The following CHL1 variants were observed in gnomAD, a reference collection of about 807,000 sequenced individuals.
The protein encoded by CHL1 is cell adhesion molecule L1 like.
In CHL1, 96 loss-of-function variants were observed where a neutral mutation model predicts 141.9. The ratio of observed to expected loss-of-function variants is 0.68; its 90% CI spans 0.57 to 0.80. CHL1 has a LOEUF of 0.80. Among genes scored for constraint, CHL1 ranks in the 30% least tolerant of loss-of-function variants. CHL1 has a pLI of 0.00. For synonymous variants in CHL1, 613 were observed against 502.2 expected (o/e 1.22, Z -2.95); for missense variants, 1,820 against 1,457.2 (o/e 1.25, Z -4.05).
chr3:254,460 C>T (rs759494149), intron 2 of CHL1, among the ~76,000 whole-genome samples: 1 of 152,100 alleles, frequency 6.6e-6, no homozygotes, highest in Admixed American at 6.6e-5. Context: ...TGAGAAAGGG[C>T]TAGGTATTTT....
chr3:266,204 A>T (rs1468765038), intron 2 of CHL1, among the ~76,000 whole-genome samples: 1 of 152,210 alleles, frequency 6.6e-6, no homozygotes, highest in Non-Finnish European at 1.5e-5. Context: ...CAGCAACAAG[A>T]GTAGTCAGCT....
chr3:231,168 C>T (rs1311017043), intron 1 of CHL1, among the ~76,000 whole-genome samples: 5 of 152,120 alleles, frequency 3.3e-5, no homozygotes, highest in Admixed American at 2.0e-4. Flanking sequence ...AAAATATCTA[C>T]CTTTCAAATT....
At chr3:230,064 T>C (rs1574784745) in intron 1 of CHL1, among the ~76,000 whole-genome samples, 1 of 152,316 alleles carries the variant, frequency 6.6e-6, no homozygotes, top group Non-Finnish European at 1.5e-5. Flanking sequence ...GTACTTAAAA[T>C]GTGTCCTGAG....
intron 26 of CHL1, among the ~76,000 whole-genome samples, chr3:399,399 T>C (rs1559361377): frequency 2.6e-5 from 4 of 152,258 alleles, no homozygotes; most frequent in East Asian, 3.9e-4. Context: ...TCCAGCAGTT[T>C]GGGAGGCCGA....
At chr3:319,998 G>A in intron 3 of CHL1, 131 bp downstream of exon 3, 1 of 584,978 alleles carries the variant, frequency 1.7e-6, no homozygotes, top group South Asian at 2.3e-5. Context: ...AATCTGTCAT[G>A]AGAATTCATA....
At chr3:356,935 T>A (rs2125238484) in intron 11 of CHL1, among the ~76,000 whole-genome samples, 3 of 152,306 alleles carry the variant, frequency 2.0e-5, no homozygotes, top group Middle Eastern at 6.8e-3. Flanking sequence ...TTACAAGGTA[T>A]TTTCCTGGCC....
intron 15 of CHL1, among the ~76,000 whole-genome samples, chr3:375,601 C>A (rs939642807): frequency 6.6e-6 from 1 of 151,796 alleles, no homozygotes; most frequent in African/African-American, 2.4e-5. Context: ...AAAACACCAA[C>A]CATGAGAAAT....
At chr3:286,790 C>A (rs1385572502) in intron 2 of CHL1, among the ~76,000 whole-genome samples, 1 of 152,104 alleles carries the variant, frequency 6.6e-6, no homozygotes, top group Admixed American at 6.6e-5. Flanking sequence ...ATTCCCAGAA[C>A]TGAGGGTTCT....
At chr3:363,519 A>T (rs2387180) in intron 14 of CHL1, 136 bp downstream of exon 14, 720,972 of 725,814 alleles carry the variant, frequency 0.99, 358,210 homozygotes, top group East Asian at 1. Flanking sequence ...AATTCCTAGA[A>T]TGGGTTTCAT....
chr3:350,319 C>T (rs1197452986), intron 10 of CHL1, among the ~76,000 whole-genome samples: 2 of 152,094 alleles, frequency 1.3e-5, no homozygotes, highest in South Asian at 4.1e-4. Context: ...TGAAGTTTGT[C>T]TAGTCCTCTG....
intron 10 of CHL1, among the ~76,000 whole-genome samples, chr3:351,820 T>C (rs1414957707): frequency 6.6e-6 from 1 of 152,166 alleles, no homozygotes; most frequent in Non-Finnish European, 1.5e-5. Flanking sequence ...TCAAATCCTA[T>C]AATATGTATG....
intron 1 of CHL1, among the ~76,000 whole-genome samples, chr3:207,885 A>G (rs1699576283): frequency 6.6e-6 from 1 of 152,186 alleles, no homozygotes; most frequent in African/African-American, 2.4e-5. Flanking sequence ...TTTGCTTGAA[A>G]TAACATTAAA....
intron 2 of CHL1, among the ~76,000 whole-genome samples, chr3:301,495 AT>A (rs1698728617): frequency 6.6e-6 from 1 of 152,214 alleles, no homozygotes; most frequent in African/African-American, 2.4e-5. Context: ...TTTGAGTACC[AT>A]TATCCCCACT....
chr3:387,224 T>C (rs1290095577), intron 19 of CHL1, among the ~76,000 whole-genome samples: 3 of 152,220 alleles, frequency 2.0e-5, no homozygotes, highest in Non-Finnish European at 4.4e-5. Flanking sequence ...TCTCAGATCC[T>C]CTAAAGGATA....
intron 5 of CHL1, among the ~76,000 whole-genome samples, chr3:330,299 C>T (rs752584569): frequency 1.3e-5 from 2 of 152,008 alleles, no homozygotes; most frequent in Non-Finnish European, 2.9e-5. Flanking sequence ...ACAGTGAAAA[C>T]TCTACATAAC....
chr3:262,676 T>G (rs1053358014), intron 2 of CHL1, among the ~76,000 whole-genome samples: 2 of 152,218 alleles, frequency 1.3e-5, no homozygotes, highest in African/African-American at 4.8e-5. Flanking sequence ...AAAAACAGGA[T>G]TGTTTTAAAG....
chr3:295,064 G>T (rs1215478244), intron 2 of CHL1, among the ~76,000 whole-genome samples: 4 of 151,698 alleles, frequency 2.6e-5, no homozygotes, highest in South Asian at 4.2e-4. Context: ...TTCTTCCTTT[G>T]TTTCTTTTCT....
At chr3:402,714 C>G (rs769307862) in intron 27 of CHL1, among the ~76,000 whole-genome samples, 17 of 152,176 alleles carry the variant, frequency 1.1e-4, no homozygotes, top group Admixed American at 3.9e-4. Context: ...TTTCTGTATT[C>G]TACTTAGTCA....
chr3:216,178 G>C (rs1188757829), intron 1 of CHL1, among the ~76,000 whole-genome samples: 2 of 152,182 alleles, frequency 1.3e-5, no homozygotes, highest in African/African-American at 4.8e-5. Context: ...TTTTAAAGCT[G>C]ATGTCTTGAT....
Sources: gnomAD v4.1 joint callset for allele counts (sites outside exome capture counted in the v4.1 genomes callset) on GRCh38, gnomAD v4.1.1 for gene constraint, MANE v1.5 for transcripts, NCBI Gene and HGNC (gene_info 2026-07-23, HGNC 2026-07-21) for gene names.